The following ARMH3 variants were observed in gnomAD, a reference collection of about 807,000 sequenced individuals.
The protein encoded by ARMH3 is armadillo-like helical domain-containing protein 3.
In ARMH3, 60 loss-of-function variants were observed where a neutral mutation model predicts 99.1. The ratio of observed to expected loss-of-function variants is 0.61; its 90% CI spans 0.49 to 0.75. The LOEUF (loss-of-function observed/expected upper bound fraction) is 0.75, where lower values mean the gene tolerates loss of function less well. ARMH3 is among the 30% of genes least tolerant of loss of function. The pLI is 0.00. For missense variants in ARMH3, 679 were observed against 843.1 expected (o/e 0.81, Z 2.41); for synonymous variants, 285 against 292.8 (o/e 0.97, Z 0.27).
At chr10:101,954,207 C>CA (rs1418948619) in intron 22 of ARMH3, among the ~76,000 whole-genome samples, 8 of 150,094 alleles carry the variant, frequency 5.3e-5, no homozygotes, top group Admixed American at 1.3e-4. Flanking sequence ...AGAACAAAAA[C>CA]AAAAAAAAAC....
intron 23 of ARMH3, among the ~76,000 whole-genome samples, chr10:101,916,843 G>T (rs1360047831): frequency 1.3e-5 from 2 of 152,172 alleles, no homozygotes; most frequent in Non-Finnish European, 2.9e-5. Context: ...CAAATTCTCT[G>T]TTTCTCTTTT....
intron 15 of ARMH3, among the ~76,000 whole-genome samples, chr10:101,998,954 A>G (rs534087422): frequency 6.6e-6 from 1 of 152,312 alleles, no homozygotes; most frequent in East Asian, 1.9e-4. Flanking sequence ...TCTGAAGTTC[A>G]TCTGTGGACC....
intron 23 of ARMH3, among the ~76,000 whole-genome samples, chr10:101,908,743 A>G (rs1842741632): frequency 6.7e-6 from 1 of 150,088 alleles, no homozygotes; most frequent in Admixed American, 6.7e-5. Flanking sequence ...AGCTCACTGC[A>G]AGCTCCGCCT....
intron 8 of ARMH3, among the ~76,000 whole-genome samples, chr10:102,021,237 G>A (rs1248705685): frequency 6.6e-6 from 1 of 150,600 alleles, no homozygotes; most frequent in Non-Finnish European, 1.5e-5. Flanking sequence ...CCACCATGCT[G>A]GGCTAATTTT....
rs187313103 is a variant in ARMH3, at chr10:101,891,940, C to A, written c.1782-2450G>T. Among the ~76,000 whole-genome samples, 513 of 151,946 alleles carry A rather than the reference C, an allele frequency of 3.4e-3. 6 individuals carry two copies. Among genetic ancestry groups the A allele is most frequent in the South Asian group, 7.5e-3 (36 of 4,802 alleles). ...CCTGGGTAACATGGTGAAACCCTGTCTCTACAAAAAATACAAAAAAATTTA... is the reference window on the plus strand; with the variant it reads ...CCTGGGTAACATGGTGAAACCCTGTATCTACAAAAAATACAAAAAAATTTA... On this transcript the variant is annotated intron_variant, in intron 23 of 25. Transcript: ENST00000370033.
chr10:101,857,172 G>A lies in ARMH3; in HGVS notation c.1861-7280C>T, dbSNP rs143315703. Among the ~76,000 whole-genome samples the A allele has an allele frequency of 3.2e-3, 494 of 152,234 alleles. 3 individuals carry two copies. Among genetic ancestry groups the A allele is most frequent in the African/African-American group, 0.011 (456 of 41,524 alleles). ...TTGTCTTATCCCTAAAAGAAATAGTGCTGGGCCAGGTGCAGTGGCTCATAT... is the reference window on the plus strand; with the variant it reads ...TTGTCTTATCCCTAAAAGAAATAGTACTGGGCCAGGTGCAGTGGCTCATAT... On this transcript the variant is annotated intron_variant, in intron 24 of 25. Transcript: ENST00000370033.
chr10:101,916,747 AAAG>A (rs1843103111), intron 23 of ARMH3, among the ~76,000 whole-genome samples: 1 of 152,208 alleles, frequency 6.6e-6, no homozygotes, highest in Non-Finnish European at 1.5e-5. Flanking sequence ...TACACTGGGT[AAAG>A]AAGATCCACC....
At chr10:102,035,646 T>C (rs1590216647) in intron 2 of ARMH3, among the ~76,000 whole-genome samples, 1 of 152,246 alleles carries the variant, frequency 6.6e-6, no homozygotes, top group Non-Finnish European at 1.5e-5. Context: ...CCGCGAGTGA[T>C]CCGCCAGCCT....
intron 23 of ARMH3, among the ~76,000 whole-genome samples, chr10:101,930,968 T>C (rs1367711442): frequency 6.6e-6 from 1 of 152,186 alleles, no homozygotes; most frequent in Non-Finnish European, 1.5e-5. Flanking sequence ...CTGAGAAAAC[T>C]CAAGGAAAGA....
chr10:101,943,875 A>T (rs576402227), intron 22 of ARMH3, among the ~76,000 whole-genome samples: 1 of 151,556 alleles, frequency 6.6e-6, no homozygotes, highest in African/African-American at 2.4e-5. Flanking sequence ...CCATCCTGGC[A>T]AACACGGTGA....
At chr10:101,935,626 T>G (rs893929199) in intron 23 of ARMH3, among the ~76,000 whole-genome samples, 1 of 152,208 alleles carries the variant, frequency 6.6e-6, no homozygotes, top group Non-Finnish European at 1.5e-5. Flanking sequence ...TATTGTCAAC[T>G]GGCAAACTAG....
chr10:102,010,182 T>C (rs2066600450), intron 11 of ARMH3, among the ~76,000 whole-genome samples, 159 bp from the exon 12 acceptor site: 1 of 152,188 alleles, frequency 6.6e-6, no homozygotes, highest in African/African-American at 2.4e-5. Flanking sequence ...CCAGCCCACT[T>C]TGAAAATCTT....
intron 17 of ARMH3, 95 bp from the exon 18 acceptor site, chr10:101,992,133 AT>A: frequency 4.0e-6 from 4 of 1,001,246 alleles, no homozygotes; most frequent in Non-Finnish European, 6.4e-6. Context: ...TAAAATCACT[AT>A]TACAGGGATA....
chr10:102,039,892 C>G, intron 2 of ARMH3, 121 bp downstream of exon 2: 1 of 866,862 alleles, frequency 1.2e-6, no homozygotes, highest in South Asian at 1.5e-5. Context: ...AACCCTCTTT[C>G]TCTCCCCTGT....
chr10:101,880,840 G>A (rs921238211), intron 24 of ARMH3, among the ~76,000 whole-genome samples: 23 of 152,082 alleles, frequency 1.5e-4, no homozygotes, highest in African/African-American at 5.3e-4. Context: ...TAACAATGTT[G>A]TTCCCCACAA....
At chr10:102,041,075 C>CATATATATATATAATATAT (rs2067399343) in intron 1 of ARMH3, among the ~76,000 whole-genome samples, 1 of 132,008 alleles carries the variant, frequency 7.6e-6, no homozygotes. Flanking sequence ...ATTGTGTGTA[C>CATATATATATATAATATAT]ATATATATAT....
intron 8 of ARMH3, among the ~76,000 whole-genome samples, chr10:102,014,239 C>T (rs1247977884): frequency 6.6e-6 from 1 of 152,178 alleles, no homozygotes; most frequent in African/African-American, 2.4e-5. Context: ...CACACAAATA[C>T]ACATACACAC....
intron 9 of ARMH3, among the ~76,000 whole-genome samples, chr10:102,013,601 A>C (rs183218412): frequency 1.8e-4 from 28 of 152,330 alleles, no homozygotes; most frequent in Non-Finnish European, 3.8e-4. Flanking sequence ...TCAGGCTATA[A>C]ATACTATCTG....
chr10:102,029,428 A>T (rs1336746573), intron 5 of ARMH3: 1 of 1,533,408 alleles, frequency 6.5e-7, no homozygotes, highest in South Asian at 1.2e-5. Context: ...TCCCGCAGGG[A>T]AAGAATACCT....
Sources: gnomAD v4.1 joint callset for allele counts (sites outside exome capture counted in the v4.1 genomes callset) on GRCh38, gnomAD v4.1.1 for gene constraint, MANE v1.5 for transcripts, NCBI Gene and HGNC (gene_info 2026-07-23, HGNC 2026-07-21) for gene names.